The following MAGI2 variants were observed in gnomAD, a reference collection of about 807,000 sequenced individuals.
MAGI2 encodes the protein membrane associated guanylate kinase, WW and PDZ domain containing 2.
In MAGI2, 35 loss-of-function variants were observed where a neutral mutation model predicts 133.3. That is an observed-to-expected ratio of 0.26 (90% CI 0.20 to 0.35). The LOEUF (loss-of-function observed/expected upper bound fraction) is 0.35. MAGI2 is among the 10% of genes least tolerant of loss of function. The probability of loss-of-function intolerance (pLI) is 1.00; values close to 1 mark genes in which losing one functional copy is unlikely to be tolerated. For synonymous variants in MAGI2, 729 were observed against 710.6 expected (o/e 1.03, Z -0.41); for missense variants, 1,636 against 1,863.4 (o/e 0.88, Z 2.25).
At chr7:79,198,410 A>G (rs1828283291) in intron 1 of MAGI2, among the ~76,000 whole-genome samples, 1 of 151,698 alleles carries the variant, frequency 6.6e-6, no homozygotes, top group African/African-American at 2.4e-5. Flanking sequence ...ACATGATATG[A>G]CTGAAAAAAA....
chr7:78,568,918 C>T (rs1319282790), intron 3 of MAGI2, among the ~76,000 whole-genome samples: 1 of 152,184 alleles, frequency 6.6e-6, no homozygotes, highest in Non-Finnish European at 1.5e-5. Context: ...GCCTGACTTC[C>T]TTGCTATTCC....
intron 6 of MAGI2, among the ~76,000 whole-genome samples, chr7:78,458,930 G>C (rs1478068385): frequency 1.3e-5 from 2 of 152,038 alleles, no homozygotes; most frequent in Non-Finnish European, 2.9e-5. Flanking sequence ...CACTGGGCCG[G>C]GCTCATTACT....
At chr7:79,312,554 A>AT (rs1838370989) in intron 1 of MAGI2, among the ~76,000 whole-genome samples, 1 of 152,094 alleles carries the variant, frequency 6.6e-6, no homozygotes, top group Non-Finnish European at 1.5e-5. Context: ...TCTGTTTCTC[A>AT]TTTTTTGGCT....
At chr7:78,794,391 AT>A (rs1787425439) in intron 2 of MAGI2, among the ~76,000 whole-genome samples, 1 of 152,192 alleles carries the variant, frequency 6.6e-6, no homozygotes. Context: ...TCTCCACATA[AT>A]TTACCATTCA....
intron 3 of MAGI2, among the ~76,000 whole-genome samples, chr7:78,621,074 GCTGA>G (rs1807681128): frequency 6.6e-6 from 1 of 151,978 alleles, no homozygotes; most frequent in Admixed American, 6.6e-5. Context: ...GGCAGGATTC[GCTGA>G]CTTAGAGGCC....
At chr7:79,069,083 G>T (rs1385900183) in intron 1 of MAGI2, among the ~76,000 whole-genome samples, 4 of 151,926 alleles carry the variant, frequency 2.6e-5, no homozygotes, top group Non-Finnish European at 5.9e-5. Flanking sequence ...CTGTTGATTT[G>T]GGGTAGAGAG....
intron 3 of MAGI2, among the ~76,000 whole-genome samples, chr7:78,573,420 CTCAAGCACCATTTGATCT>C (rs1319548979): frequency 2.6e-5 from 2 of 77,798 alleles, no homozygotes; most frequent in African/African-American, 1.2e-4. Context: ...CCACTGACAC[CTCAAGCACCATTTGATCT>C]GCTGGGTCAT....
At chr7:79,356,708 G>A (rs1195682698) in intron 1 of MAGI2, among the ~76,000 whole-genome samples, 1 of 152,156 alleles carries the variant, frequency 6.6e-6, no homozygotes, top group Non-Finnish European at 1.5e-5. Flanking sequence ...AGTCGAAGTA[G>A]ATCTTTATTT....
intron 1 of MAGI2, among the ~76,000 whole-genome samples, chr7:79,405,459 T>C (rs1458528545): frequency 6.6e-6 from 1 of 152,116 alleles, no homozygotes; most frequent in Non-Finnish European, 1.5e-5. Context: ...TAGTGTATAA[T>C]TCAGAAAAAG....
chr7:79,193,429 A>G (rs987581676), intron 1 of MAGI2, among the ~76,000 whole-genome samples: 2 of 152,116 alleles, frequency 1.3e-5, no homozygotes, highest in South Asian at 2.1e-4. Flanking sequence ...TTAACATTGT[A>G]TAGTATTTCC....
intron 1 of MAGI2, among the ~76,000 whole-genome samples, chr7:79,197,746 G>A (rs1189038969): frequency 6.6e-6 from 1 of 152,104 alleles, no homozygotes; most frequent in Admixed American, 6.6e-5. Context: ...CCGACTCCAT[G>A]TCTGGTAAGG....
At chr7:78,309,598 A>ACT (rs1554337242) in intron 9 of MAGI2, among the ~76,000 whole-genome samples, 27,875 of 152,010 alleles carry the variant, frequency 0.18, 4,218 homozygotes, top group African/African-American at 0.4. Flanking sequence ...TGAAGGAATC[A>ACT]TATACCCCAA....
intron 20 of MAGI2, among the ~76,000 whole-genome samples, chr7:78,112,221 A>C (rs1819428490): frequency 1.3e-5 from 2 of 152,106 alleles, no homozygotes; most frequent in Admixed American, 1.3e-4. Flanking sequence ...TTATTCTGTC[A>C]TGTTTTGCAT....
At chr7:78,130,792 C>T (rs1038946669) in intron 18 of MAGI2, among the ~76,000 whole-genome samples, 7 of 152,198 alleles carry the variant, frequency 4.6e-5, no homozygotes, top group African/African-American at 1.7e-4. Flanking sequence ...GACTTATAAA[C>T]ATTTGGATTA....
chr7:78,395,925 T>C (rs950195038), intron 6 of MAGI2, among the ~76,000 whole-genome samples: 32 of 152,320 alleles, frequency 2.1e-4, no homozygotes, highest in African/African-American at 7.0e-4. Flanking sequence ...AGGTTGATCC[T>C]TACAAGAATG....
chr7:79,087,329 A>G (rs1302749147), intron 1 of MAGI2, among the ~76,000 whole-genome samples: 1 of 151,902 alleles, frequency 6.6e-6, no homozygotes, highest in Non-Finnish European at 1.5e-5. Flanking sequence ...TAAATATTGG[A>G]TGAGTTCTGA....
chr7:78,831,621 A>G (rs1791157768), intron 2 of MAGI2, among the ~76,000 whole-genome samples: 1 of 152,192 alleles, frequency 6.6e-6, no homozygotes, highest in African/African-American at 2.4e-5. Context: ...TTGATTTTTC[A>G]GAACAATGTA....
intron 9 of MAGI2, among the ~76,000 whole-genome samples, chr7:78,291,627 A>G (rs536861236): frequency 6.6e-6 from 1 of 152,276 alleles, no homozygotes; most frequent in African/African-American, 2.4e-5. Flanking sequence ...GAGACACAAC[A>G]GAAAAAGAGA....
chr7:78,680,128 C>T (rs1815488689), intron 2 of MAGI2, among the ~76,000 whole-genome samples: 1 of 152,132 alleles, frequency 6.6e-6, no homozygotes, highest in South Asian at 2.1e-4. Flanking sequence ...TTATCACAGT[C>T]CTTTCTTGAT....
Sources: allele counts gnomAD v4.1 joint callset (sites outside exome capture counted in the v4.1 genomes callset), GRCh38; gene constraint gnomAD v4.1.1; transcripts MANE v1.5; gene names NCBI Gene and HGNC (gene_info 2026-07-23, HGNC 2026-07-21).